The following RPS6KC1 variants were observed in gnomAD, a reference collection of about 807,000 sequenced individuals.
The protein encoded by RPS6KC1 is ribosomal protein S6 kinase C1.
A neutral mutation model predicts 103.8 loss-of-function variants in RPS6KC1; 54 were observed. The ratio of observed to expected loss-of-function variants is 0.52; its 90% CI spans 0.42 to 0.65. The LOEUF (loss-of-function observed/expected upper bound fraction) is 0.65, where lower values mean the gene tolerates loss of function less well. Ranked by LOEUF, RPS6KC1 falls within the 30% of genes least tolerant of loss-of-function variation. The pLI, the probability that RPS6KC1 is intolerant of heterozygous loss-of-function variation, is 0.00. For synonymous variants in RPS6KC1, 439 were observed against 438.7 expected (o/e 1.00, Z -0.01); for missense variants, 1,151 against 1,253.8 (o/e 0.92, Z 1.24).
At chr1:213,778,768 T>A in the RPS6KC1 span, among the ~76,000 whole-genome samples, 1 of 152,066 alleles carries the variant, frequency 6.6e-6, no homozygotes, top group Admixed American at 6.5e-5. Flanking sequence ...CCTTGGTGTC[T>A]TGTTACCAAG....
At chr1:213,810,391 C>T in the RPS6KC1 span, among the ~76,000 whole-genome samples, 2 of 152,164 alleles carry the variant, frequency 1.3e-5, no homozygotes, top group African/African-American at 4.8e-5. Flanking sequence ...CTTATAAGAG[C>T]ATCAGTCTTA....
the RPS6KC1 span, among the ~76,000 whole-genome samples, chr1:213,736,619 G>A: frequency 6.6e-6 from 1 of 152,158 alleles, no homozygotes; most frequent in Admixed American, 6.5e-5. Context: ...AAGGGAGGAG[G>A]TTACACAAAG....
At chr1:213,228,023 C>T (rs1359706448) in intron 8 of RPS6KC1, among the ~76,000 whole-genome samples, 2 of 152,130 alleles carry the variant, frequency 1.3e-5, no homozygotes, top group Non-Finnish European at 2.9e-5. Flanking sequence ...GCCCATTATC[C>T]TGCCTTTACA....
the RPS6KC1 span, among the ~76,000 whole-genome samples, chr1:213,757,060 G>A: frequency 6.6e-6 from 1 of 152,106 alleles, no homozygotes; most frequent in African/African-American, 2.4e-5. Flanking sequence ...CTGCCAAATG[G>A]TTGTTCCACC....
intron 8 of RPS6KC1, among the ~76,000 whole-genome samples, chr1:213,216,784 C>T (rs545749320): frequency 1.3e-3 from 192 of 152,114 alleles, no homozygotes; most frequent in South Asian, 3.9e-3. Context: ...GGGTACATAA[C>T]GAAATGAAGG....
At chr1:213,617,238 G>A in the RPS6KC1 span, among the ~76,000 whole-genome samples, 1 of 152,112 alleles carries the variant, frequency 6.6e-6, no homozygotes, top group Admixed American at 6.5e-5. Flanking sequence ...TTCTGTGCTG[G>A]CAGGTGGGGG....
the RPS6KC1 span, among the ~76,000 whole-genome samples, chr1:213,419,208 T>C: frequency 6.6e-6 from 1 of 152,174 alleles, no homozygotes; most frequent in Non-Finnish European, 1.5e-5. Context: ...ATGATGCCCC[T>C]CCTAGAGGTG....
the RPS6KC1 span, among the ~76,000 whole-genome samples, chr1:213,631,227 C>T: frequency 6.6e-6 from 1 of 152,092 alleles, no homozygotes; most frequent in African/African-American, 2.4e-5. Context: ...CCTGCACCCA[C>T]TGTCTGTCAC....
At chr1:213,655,601 A>T in the RPS6KC1 span, among the ~76,000 whole-genome samples, 2 of 152,212 alleles carry the variant, frequency 1.3e-5, no homozygotes. Context: ...GGCAGAGAGA[A>T]ATTCAAAATT....
chr1:213,676,479 G>A, the RPS6KC1 span, among the ~76,000 whole-genome samples: 1 of 152,228 alleles, frequency 6.6e-6, no homozygotes, highest in Non-Finnish European at 1.5e-5. Context: ...CGTGTCAGAC[G>A]GAAGGAGAGG....
chr1:213,772,036 A>G, the RPS6KC1 span, among the ~76,000 whole-genome samples: 1 of 152,190 alleles, frequency 6.6e-6, no homozygotes, highest in Non-Finnish European at 1.5e-5. Flanking sequence ...TTGTGGTTCA[A>G]TTTCCTTGGC....
At chr1:213,807,203 G>T in the RPS6KC1 span, among the ~76,000 whole-genome samples, 8 of 152,306 alleles carry the variant, frequency 5.3e-5, no homozygotes, top group South Asian at 1.7e-3. Context: ...CTCTCTGGCT[G>T]CCCTTAGCAT....
At chr1:213,353,608 G>C in the RPS6KC1 span, among the ~76,000 whole-genome samples, 1 of 152,218 alleles carries the variant, frequency 6.6e-6, no homozygotes, top group South Asian at 2.1e-4. Flanking sequence ...AAATAGCAAA[G>C]TGAACTGGCC....
At chr1:213,462,447 A>G in the RPS6KC1 span, among the ~76,000 whole-genome samples, 1 of 152,220 alleles carries the variant, frequency 6.6e-6, no homozygotes, top group Non-Finnish European at 1.5e-5. Context: ...ATAAAGACAC[A>G]TGCACACGTA....
chr1:213,342,842 G>A, the RPS6KC1 span, among the ~76,000 whole-genome samples: 6 of 152,058 alleles, frequency 3.9e-5, no homozygotes, highest in African/African-American at 7.2e-5. Flanking sequence ...TTTAGAGAAC[G>A]GAAGAGGACT....
the RPS6KC1 span, among the ~76,000 whole-genome samples, chr1:213,325,815 T>TC: frequency 6.6e-6 from 1 of 152,218 alleles, no homozygotes; most frequent in Non-Finnish European, 1.5e-5. Flanking sequence ...TGGTCATAAG[T>TC]AACCTGTGAG....
chr1:213,313,869 C>T, the RPS6KC1 span, among the ~76,000 whole-genome samples: 4 of 152,208 alleles, frequency 2.6e-5, no homozygotes, highest in Middle Eastern at 3.4e-3. Context: ...AGGAGAATGG[C>T]GTGAACCTGG....
At chr1:213,558,313 A>G in the RPS6KC1 span, among the ~76,000 whole-genome samples, 12,948 of 152,230 alleles carry the variant, frequency 0.085, 725 homozygotes, top group East Asian at 0.12. Flanking sequence ...ACCCCTGCTC[A>G]CGCTCACTCA....
intron 5 of RPS6KC1, among the ~76,000 whole-genome samples, chr1:213,118,732 A>C (rs985518202): frequency 6.6e-6 from 1 of 151,538 alleles, no homozygotes; most frequent in Non-Finnish European, 1.5e-5. Flanking sequence ...CTTAGCATCT[A>C]TTTATTTAAA....
Sources: allele counts gnomAD v4.1 joint callset (sites outside exome capture counted in the v4.1 genomes callset), GRCh38; gene constraint gnomAD v4.1.1; transcripts MANE v1.5; gene names NCBI Gene and HGNC (gene_info 2026-07-23, HGNC 2026-07-21).